The following CYP3A7 variants were observed in gnomAD, a reference collection of about 807,000 sequenced individuals.
CYP3A7 encodes the protein cytochrome P450 family 3 subfamily A member 7.
CYP3A7 carries 45 observed loss-of-function variants against 55.2 expected under a neutral mutation model. The observed-to-expected ratio is 0.82, with a 90% CI of 0.64 to 1.05. The LOEUF is 1.05. Ranked by LOEUF, CYP3A7 falls within the 50% of genes least tolerant of loss-of-function variation. The pLI is 0.00. For missense variants in CYP3A7, 548 were observed against 605.3 expected (o/e 0.91, Z 0.99); for synonymous variants, 180 against 207.4 (o/e 0.87, Z 1.13).
At chr7:99,718,163 C>T (rs1237284857) in intron 4 of CYP3A7, among the ~76,000 whole-genome samples, 1 of 152,038 alleles carries the variant, frequency 6.6e-6, no homozygotes, top group African/African-American at 2.4e-5. Context: ...AGGAGTTATA[C>T]CTAATGTTAA....
intron 3 of CYP3A7, chr7:99,720,712 TGGTGCATACATG>T (rs2151519360): frequency 3.0e-6 from 1 of 338,524 alleles, no homozygotes; most frequent in South Asian, 3.5e-5. Context: ...TTAAGCTGGG[TGGTGCATACATG>T]GGTATTTCCC....
At position 99,707,861 on chromosome 7, in the gene CYP3A7, A is replaced by G. The variant is rs760225656; in HGVS notation, c.1367T>C (p.Leu456Pro). The G allele has an allele frequency of 4.3e-6, 7 of 1,613,908 alleles. No individual in the cohort carries two copies. ...GGAGAAGTTCTGAAGGACTCTGACTAGAGCAAGTTTCATGTTCACGAGAGC... is the reference window on the plus strand; with the variant it reads ...GGAGAAGTTCTGAAGGACTCTGACTGGAGCAAGTTTCATGTTCACGAGAGC... ...RFALVNMKLALVRVLQNFSFK... is the reference protein window; with the variant it reads ...RFALVNMKLAPVRVLQNFSFK... The change falls in exon 12 of 13, where the codon CTA becomes CCA. Residue 456 changes from leucine (L) to proline (P), a missense_variant. By Grantham distance (98) the Leu-to-Pro change is moderately conservative. Transcript: ENST00000336374.
At chr7:99,718,570 C>G (rs997490324) in intron 4 of CYP3A7, among the ~76,000 whole-genome samples, 2 of 152,290 alleles carry the variant, frequency 1.3e-5, no homozygotes, top group Non-Finnish European at 2.9e-5. Flanking sequence ...AAAAAACCCA[C>G]TTCATCTAAA....
At chr7:99,715,610 C>T in intron 7 of CYP3A7, 148 bp downstream of exon 7, 1 of 1,382,990 alleles carries the variant, frequency 7.2e-7, no homozygotes, top group East Asian at 2.4e-5. Flanking sequence ...TTAAAGTTTA[C>T]AATGGTGATG....
rs375769728 is a variant in CYP3A7, at chr7:99,708,949, T to C, written c.1253+86A>G. ...ACATAAAAAGACAAGCAAACGATTGTACAAGCCCAGACTGTCCTGTAGAGA... is the reference window on the plus strand; with the variant it reads ...ACATAAAAAGACAAGCAAACGATTGCACAAGCCCAGACTGTCCTGTAGAGA... On this transcript the variant is annotated intron_variant, in intron 11 of 12. Transcript: ENST00000336374. 44 of 1,445,278 alleles carry C rather than the reference T, an allele frequency of 3.0e-5. 2 individuals carry two copies. Among genetic ancestry groups the C allele is most frequent in the East Asian group, 1.4e-4 (6 of 43,708 alleles). 89.5% of individuals were successfully genotyped at this position (1,445,278 alleles called of 1,614,324 possible).
intron 2 of CYP3A7, among the ~76,000 whole-genome samples, chr7:99,726,630 C>T (rs547365170): frequency 6.6e-6 from 1 of 152,336 alleles, no homozygotes; most frequent in African/African-American, 2.4e-5. Flanking sequence ...TGTACTGCCA[C>T]AAGGCTTCTG....
At chr7:99,718,047 G>A (rs1814035228) in intron 4 of CYP3A7, among the ~76,000 whole-genome samples, 1 of 151,994 alleles carries the variant, frequency 6.6e-6, no homozygotes, top group African/African-American at 2.4e-5. Context: ...GTGCCTTGAT[G>A]TGGTAGATTT....
At chr7:99,712,828 C>T (rs1813807208) in intron 9 of CYP3A7, among the ~76,000 whole-genome samples, 1 of 152,108 alleles carries the variant, frequency 6.6e-6, no homozygotes, top group South Asian at 2.1e-4. Context: ...TTTTGCCACT[C>T]ATAGTAACAA....
intron 2 of CYP3A7, among the ~76,000 whole-genome samples, chr7:99,725,845 G>A (rs1052713244): frequency 6.6e-6 from 1 of 152,090 alleles, no homozygotes; most frequent in Non-Finnish European, 1.5e-5. Context: ...TAATCGATAG[G>A]GGGGATACCC....
Position 99,733,217 on chromosome 7 carries a change from G to C in CYP3A7, c.71+1806C>G, listed in dbSNP as rs574627657. Among the ~76,000 whole-genome samples the C allele has an allele frequency of 2.6e-5, 4 of 152,278 alleles. No individual in the cohort carries two copies. In the East Asian group the frequency reaches 7.7e-4, roughly 29 times the overall value. ...TGGAAAATCAATGGCACTAATCTCT[G>C]CTTCTAAACTTTCTACATGTTACAT... is the stretch of plus-strand genomic sequence containing the variant. On this transcript the variant is annotated intron_variant, in intron 1 of 12. Transcript: ENST00000336374.
At chr7:99,720,609 T>C in intron 3 of CYP3A7, 197 bp from the exon 4 acceptor site, 1 of 554,682 alleles carries the variant, frequency 1.8e-6, no homozygotes, top group South Asian at 2.2e-5. Context: ...CTTCATACGA[T>C]GAAGGGTAAT....
At chr7:99,717,346 A>G in intron 5 of CYP3A7, 81 bp from the exon 6 acceptor site, 2 of 1,607,772 alleles carry the variant, frequency 1.2e-6, no homozygotes, top group Non-Finnish European at 8.5e-7. Context: ...CTGGCATGGA[A>G]CAATAAGTGA....
At position 99,730,938 on chromosome 7, in the gene CYP3A7, A is replaced by G. The variant is rs1584525427; in HGVS notation, c.165+121T>C. ...TTGCCACGCTCTGGGTGATGCCTACACGCTATTTCTGAAAGTATAAAATCT... is the reference window on the plus strand; with the variant it reads ...TTGCCACGCTCTGGGTGATGCCTACGCGCTATTTCTGAAAGTATAAAATCT... On this transcript the variant is annotated intron_variant, in intron 2 of 12. Coordinates refer to ENST00000336374, the MANE Select transcript of CYP3A7 (RefSeq NM_000765.5). The G allele has an allele frequency of 1.1e-5, 15 of 1,329,844 alleles. No individual in the cohort carries two copies. The East Asian group carries it at 1.5e-4, about 13-fold the overall frequency. 82.4% of individuals were successfully genotyped at this position (1,329,844 alleles called of 1,614,324 possible). A position where few individuals can be genotyped will look rare whatever the true frequency, so the allele number is the denominator to read the frequency against.
chr7:99,708,907 T>C lies in CYP3A7; in HGVS notation c.1253+128A>G, dbSNP rs528045542. 28 of 1,131,450 alleles carry C rather than the reference T, an allele frequency of 2.5e-5. No homozygotes were observed. In the South Asian group the frequency reaches 3.3e-4, roughly 13 times the overall value. The allele number at this position is 1,131,450 out of a possible 1,614,324, so 70.1% of individuals were successfully genotyped here. On this transcript the variant is annotated intron_variant, in intron 11 of 12. Coordinates refer to ENST00000336374, the MANE Select transcript of CYP3A7 (RefSeq NM_000765.5). ...GTGTGACAATGATCAATTTCATGAT[T>C]TGAAAAAACCTTTTAAACATAAAAA...
At chr7:99,724,376 A>G (rs566660207) in intron 2 of CYP3A7, among the ~76,000 whole-genome samples, 1 of 152,188 alleles carries the variant, frequency 6.6e-6, no homozygotes, top group East Asian at 1.9e-4. Context: ...AAAAATGGGC[A>G]AATGGTCTGA....
intron 12 of CYP3A7, among the ~76,000 whole-genome samples, chr7:99,706,171 G>A (rs1390617350): frequency 6.6e-6 from 1 of 152,100 alleles, no homozygotes; most frequent in Non-Finnish European, 1.5e-5. Flanking sequence ...GTGCAAGTGG[G>A]GAACCTCTCA....
At chr7:99,707,483 G>A (rs571311966) in intron 12 of CYP3A7, among the ~76,000 whole-genome samples, 28 of 152,240 alleles carry the variant, frequency 1.8e-4, no homozygotes, top group Admixed American at 3.3e-4. Context: ...GTCAAAACAA[G>A]ATAATAAGTG....
chr7:99,725,228 G>C (rs1814363511), intron 2 of CYP3A7, among the ~76,000 whole-genome samples: 1 of 152,106 alleles, frequency 6.6e-6, no homozygotes, highest in South Asian at 2.1e-4. Context: ...CACAGCCCTG[G>C]ACCCAGAGGG....
intron 2 of CYP3A7, among the ~76,000 whole-genome samples, chr7:99,726,628 C>T (rs1202145074): frequency 2.0e-5 from 3 of 152,212 alleles, no homozygotes; most frequent in Non-Finnish European, 4.4e-5. Context: ...GCTGTACTGC[C>T]ACAAGGCTTC....
Sources: allele counts gnomAD v4.1 joint callset (sites outside exome capture counted in the v4.1 genomes callset), GRCh38; gene constraint gnomAD v4.1.1; transcripts MANE v1.5; gene names NCBI Gene and HGNC (gene_info 2026-07-23, HGNC 2026-07-21).